DEFB124: variants seen among roughly 807,000 people sequenced by gnomAD.
The protein encoded by DEFB124 is beta-defensin 124.
For missense variants in DEFB124, 78 were observed against 83.1 expected (o/e 0.94, Z 0.24); for synonymous variants, 38 against 36.5 (o/e 1.04, Z -0.15).
At chr20:31,469,034 T>C (rs1188532447) in intron 2 of DEFB124, among the ~76,000 whole-genome samples, 1 of 152,214 alleles carries the variant, frequency 6.6e-6, no homozygotes, top group Non-Finnish European at 1.5e-5. Flanking sequence ...AATTTTCCCA[T>C]AATAAAAATG....
intron 2 of DEFB124, among the ~76,000 whole-genome samples, chr20:31,466,606 A>AATATATATAT (rs369305241): frequency 0.015 from 1,841 of 120,468 alleles, 184 homozygotes; most frequent in African/African-American, 0.07. Flanking sequence ...TCTCAAAAAG[A>AATATATATAT]ATATATATAT....
At chr20:31,471,126 G>A (rs1310677239) in intron 2 of DEFB124, among the ~76,000 whole-genome samples, 5 of 128,588 alleles carry the variant, frequency 3.9e-5, no homozygotes, top group South Asian at 2.5e-4. Context: ...GCGGCTGGCC[G>A]GGCGGGGGGT....
chr20:31,473,131 G>A, intron 1 of DEFB124, 93 bp from the exon 2 acceptor site: 1 of 1,169,960 alleles, frequency 8.5e-7, no homozygotes, highest in Non-Finnish European at 1.2e-6. Flanking sequence ...GCAGTGCTGT[G>A]GGCAGCAGGC....
At chr20:31,472,159 G>A (rs1211702213) in intron 2 of DEFB124, among the ~76,000 whole-genome samples, 2 of 151,518 alleles carry the variant, frequency 1.3e-5, no homozygotes, top group Non-Finnish European at 3.0e-5. Flanking sequence ...CCGGCACCTC[G>A]GGAGGCCGAG....
chr20:31,465,571 C>A lies in DEFB124; in HGVS notation c.151G>T (p.Ala51Ser), dbSNP rs1161815519. The A allele has an allele frequency of 6.2e-7, 1 of 1,614,096 alleles. No homozygotes were observed. The highest frequency in any genetic ancestry group is 2.2e-5 in the East Asian group (1 of 44,896). Reference sequence around the variant, plus strand: ...GCATAGGAGAGACAGCACAGGGACGCATCCGGGCACAGGTGCATGTAAGTT... The same window carrying A: ...GCATAGGAGAGACAGCACAGGGACGAATCCGGGCACAGGTGCATGTAAGTT... ...QETYMHLCPD[A>S]SLCCLSYALK... Residue 51 changes from alanine (A) to serine (S), a missense_variant, in exon 3 of 3, where the codon GCG becomes TCG. By Grantham distance (99) the Ala-to-Ser change is moderately conservative. Transcript: ENST00000317676.
At chr20:31,470,050 C>T (rs866980867) in intron 2 of DEFB124, among the ~76,000 whole-genome samples, 180 of 132,828 alleles carry the variant, frequency 1.4e-3, no homozygotes, top group Middle Eastern at 7.8e-3. Context: ...CCTCACCTCC[C>T]GGACGGGGCG....
intron 2 of DEFB124, among the ~76,000 whole-genome samples, chr20:31,470,174 T>C (rs1190643869): frequency 6.3e-5 from 8 of 127,872 alleles, no homozygotes; most frequent in African/African-American, 1.6e-4. Context: ...GCCCCTCACC[T>C]CCCGGACGGG....
intron 2 of DEFB124, among the ~76,000 whole-genome samples, chr20:31,469,524 T>C (rs1395387347): frequency 2.6e-5 from 4 of 151,406 alleles, no homozygotes; most frequent in Admixed American, 1.3e-4. Context: ...CATAGGACAA[T>C]AGTGGAGGGA....
chr20:31,470,169 T>C, intron 2 of DEFB124, among the ~76,000 whole-genome samples: 1 of 134,096 alleles, frequency 7.5e-6, no homozygotes, highest in Non-Finnish European at 1.6e-5. Context: ...GAGGTGCCCC[T>C]CACCTCCCGG....
intron 2 of DEFB124, among the ~76,000 whole-genome samples, chr20:31,470,534 G>A (rs1240084919): frequency 1.0e-4 from 14 of 133,334 alleles, no homozygotes; most frequent in Admixed American, 2.2e-4. Flanking sequence ...CTTCCCGGAC[G>A]GGGCGGCTGG....
At chr20:31,471,399 C>T (rs1298282529) in intron 2 of DEFB124, among the ~76,000 whole-genome samples, 3 of 110,714 alleles carry the variant, frequency 2.7e-5, no homozygotes, top group African/African-American at 7.4e-5. Context: ...GGCGGCTGGC[C>T]GGGCGGGGGG....
At chr20:31,470,423 CG>C (rs1338294206) in intron 2 of DEFB124, among the ~76,000 whole-genome samples, 2 of 138,982 alleles carry the variant, frequency 1.4e-5, no homozygotes, top group East Asian at 2.2e-4. Flanking sequence ...GCTGGCCGGG[CG>C]GGGGGCTGAG....
chr20:31,470,875 G>T (rs1195079643), intron 2 of DEFB124, among the ~76,000 whole-genome samples: 1 of 140,256 alleles, frequency 7.1e-6, no homozygotes, highest in East Asian at 2.3e-4. Flanking sequence ...CTGGCCGGGC[G>T]GGGGGCTGAG....
At chr20:31,474,568 G>C (rs1980423360) in intron 1 of DEFB124, among the ~76,000 whole-genome samples, 59 bp downstream of exon 1, 1 of 152,176 alleles carries the variant, frequency 6.6e-6, no homozygotes, top group Admixed American at 6.5e-5. Context: ...CAAAGAGTCT[G>C]GATCCTGGCC....
chr20:31,469,516 T>C (rs1980171657), intron 2 of DEFB124, among the ~76,000 whole-genome samples: 2 of 151,776 alleles, frequency 1.3e-5, no homozygotes, highest in South Asian at 2.1e-4. Context: ...GGCAGGGTCA[T>C]AGGACAATAG....
intron 1 of DEFB124, among the ~76,000 whole-genome samples, chr20:31,474,291 A>C (rs1259763389): frequency 2.6e-5 from 4 of 152,182 alleles, no homozygotes; most frequent in Admixed American, 6.5e-5. Flanking sequence ...GTGCTGCACC[A>C]CTCATGGCCC....
chr20:31,471,016 ACCTC>A (rs1980268376), intron 2 of DEFB124, among the ~76,000 whole-genome samples: 1 of 81,128 alleles, frequency 1.2e-5, no homozygotes, highest in African/African-American at 4.9e-5. Context: ...GGCTGACCTC[ACCTC>A]CCTCCCGGAC....
chr20:31,467,480 G>A (rs1980111860), intron 2 of DEFB124, among the ~76,000 whole-genome samples: 1 of 152,160 alleles, frequency 6.6e-6, no homozygotes, highest in Non-Finnish European at 1.5e-5. Flanking sequence ...AGTGACCTTG[G>A]CCTCAGTTCC....
chr20:31,472,483 A>C (rs1980360835), intron 2 of DEFB124: 1 of 147,386 alleles, frequency 6.8e-6, no homozygotes, highest in African/African-American at 2.7e-5. Flanking sequence ...AGGCAAAAGA[A>C]ACAAATCTTA....
Sources: allele counts gnomAD v4.1 joint callset (sites outside exome capture counted in the v4.1 genomes callset), GRCh38; gene constraint gnomAD v4.1.1; transcripts MANE v1.5; gene names NCBI Gene and HGNC (gene_info 2026-07-23, HGNC 2026-07-21).